HEY2: variants seen among roughly 807,000 people sequenced by gnomAD.
HEY2 encodes the protein hes related family bHLH transcription factor with YRPW motif 2.
A neutral mutation model predicts 18.1 loss-of-function variants in HEY2; 10 were observed. The observed-to-expected ratio is 0.55, with a 90% CI of 0.34 to 0.94. HEY2 has a LOEUF of 0.94. Ranked by LOEUF, HEY2 falls within the 40% of genes least tolerant of loss-of-function variation. HEY2 has a pLI of 0.02. For missense variants in HEY2, 455 were observed against 455.9 expected, an observed-to-expected ratio of 1.00 and a Z score of 0.02; for synonymous variants, 210 against 182.7, an observed-to-expected ratio of 1.15 and a Z score of -1.21.
intron 1 of HEY2, among the ~76,000 whole-genome samples, chr6:125,751,539 C>G (rs917054228): frequency 6.6e-6 from 1 of 152,184 alleles, no homozygotes; most frequent in Non-Finnish European, 1.5e-5. Context: ...AATTATTTCA[C>G]TGGGAGACTT....
chr6:125,758,324 C>T (rs920419049), intron 4 of HEY2, among the ~76,000 whole-genome samples: 1 of 152,094 alleles, frequency 6.6e-6, no homozygotes, highest in Admixed American at 6.5e-5. Flanking sequence ...AATTAATATA[C>T]ATTTTTTTTC....
chr6:125,756,483 C>T (rs186978394), intron 4 of HEY2, among the ~76,000 whole-genome samples: 143 of 152,242 alleles, frequency 9.4e-4, no homozygotes, highest in African/African-American at 3.3e-3. Context: ...AGGAGAATTG[C>T]TTGAACCCGG....
At position 125,752,042 on chromosome 6, in the gene HEY2, C is replaced by T. The variant is rs1773553441; in HGVS notation, c.198C>T (p.Asn66=). ...IEKRRRDRIN[N]SLSELRRLVP... ...AAAGGCGTCGGGATCGGATAAATAA[C>T]AGTTTATCTGAGTTGAGAAGACTTG... The change falls in exon 3 of 5, where the codon AAC becomes AAT. Residue 66 remains asparagine, a synonymous_variant. Transcript: ENST00000368364. 1.9e-6 allele frequency: 3 copies of T among 1,613,774 alleles called. No homozygotes were observed. The highest frequency in any genetic ancestry group is 4.5e-5 in the East Asian group (2 of 44,876).
chr6:125,759,310 C>T lies in HEY2; in HGVS notation c.522C>T (p.Ala174=), dbSNP rs1562712118. ...REAAAMTSSM[A]HHHHPLHPHH... Reference sequence around the variant, plus strand: ...CGGCGGCCATGACATCCTCCATGGCCCACCACCATCATCCGCTCCACCCGC... The same window carrying T: ...CGGCGGCCATGACATCCTCCATGGCTCACCACCATCATCCGCTCCACCCGC... The change falls in exon 5 of 5, where the codon GCC becomes GCT. Residue 174 remains alanine (A), a synonymous_variant. Transcript: ENST00000368364. The T allele has an allele frequency of 1.2e-6, 2 of 1,605,762 alleles. No homozygotes were observed. Among genetic ancestry groups the T allele is most frequent in the Admixed American group, 3.3e-5 (2 of 59,952 alleles).
At chr6:125,751,560 A>G (rs535983395) in intron 1 of HEY2, among the ~76,000 whole-genome samples, 1 of 152,354 alleles carries the variant, frequency 6.6e-6, no homozygotes, top group South Asian at 2.1e-4. Context: ...TCAAGTAAAA[A>G]TTGTGGGACA....
chr6:125,759,550 C>CACCTCTCTCT lies in HEY2; in HGVS notation c.763_772dup (p.Leu258TyrfsTer71), dbSNP rs1562713026. 1.2e-6 allele frequency: 2 copies of CACCTCTCTCT among 1,611,034 alleles called. No homozygotes were observed. Among genetic ancestry groups the CACCTCTCTCT allele is most frequent in the Non-Finnish European group, 1.7e-6 (2 of 1,179,918 alleles). The stretch of plus-strand genomic sequence containing the variant: ...TCGCCCCCTGCGTGCCACCTCTCTC[C>CACCTCTCTCT]ACCTCTCTCTTGTCCCTCTCTGCCA... On this transcript the variant is annotated frameshift_variant, in exon 5 of 5. Transcript: ENST00000368364. LOFTEE classifies it low-confidence loss of function (END_TRUNC).
intron 4 of HEY2, 117 bp downstream of exon 4, chr6:125,754,663 TAGG>T (rs1338862502): frequency 2.0e-6 from 1 of 490,332 alleles, no homozygotes; most frequent in African/African-American, 2.0e-5. Flanking sequence ...CAAGCTGAGA[TAGG>T]AGGCCCCAGA....
rs1302318920 is a variant in HEY2, at chr6:125,759,429, C to T, written c.641C>T (p.Thr214Ile). The change falls in exon 5 of 5, where the codon ACA becomes ATA. Residue 214 changes from threonine (T) to isoleucine (I), a missense_variant. Physicochemically the swap from Thr to Ile is moderately conservative, Grantham distance 89. Transcript: ENST00000368364. ...GAGTCAACCCCTTGTCGCCTCTCCACAACTTCAGAAGTGCCTCCTGCCCAC... is the reference window on the plus strand; with the variant it reads ...GAGTCAACCCCTTGTCGCCTCTCCATAACTTCAGAAGTGCCTCCTGCCCAC... ...ASESTPCRLS[T>I]TSEVPPAHGS... The T allele has an allele frequency of 1.2e-6, 2 of 1,611,834 alleles. No individual in the cohort carries two copies. The highest frequency in any genetic ancestry group is 1.1e-5 in the South Asian group (1 of 91,062).
chr6:125,754,642 C>T, intron 4 of HEY2, 96 bp downstream of exon 4: 1 of 600,866 alleles, frequency 1.7e-6, no homozygotes, highest in Non-Finnish European at 2.8e-6. Context: ...CATAGCTGAA[C>T]AGTTCTTTAA....
intron 3 of HEY2, 107 bp downstream of exon 3, chr6:125,752,197 G>T: frequency 1.5e-6 from 1 of 667,768 alleles, no homozygotes; most frequent in Non-Finnish European, 2.6e-6. Flanking sequence ...TCTTGTTAAA[G>T]CTCATTAAAA....
At chr6:125,750,063 TGGAGTA>T (rs1465398074) in intron 1 of HEY2, among the ~76,000 whole-genome samples, 1 of 151,706 alleles carries the variant, frequency 6.6e-6, no homozygotes, top group Non-Finnish European at 1.5e-5. Context: ...ACCGTAGGGG[TGGAGTA>T]GCCAGGATGG....
At position 125,761,198 on chromosome 6, in the gene HEY2, G is replaced by A. The variant is rs924812251; in HGVS notation, c.*1396G>A. On this transcript the variant is annotated 3_prime_UTR_variant, in exon 5 of 5. Transcript: ENST00000368364. The stretch of plus-strand genomic sequence containing the variant: ...GAAATTACTGTACCTAGTCTTTTTT[G>A]CATTACTTTGTAACCTTTTTCTATG... 1 of 152,042 alleles carries A rather than the reference G, an allele frequency of 6.6e-6. No individual in the cohort carries two copies. The highest frequency in any genetic ancestry group is 1.5e-5 in the Non-Finnish European group (1 of 67,872). 9.4% of individuals were successfully genotyped at this position (152,042 alleles called of 1,614,324 possible).
chr6:125,760,813 T>C lies in HEY2; in HGVS notation c.*1011T>C, dbSNP rs1445524147. 1.3e-5 allele frequency: 2 copies of C among 152,658 alleles called. No homozygotes were observed. Among genetic ancestry groups the C allele is most frequent in the African/African-American group, 4.8e-5 (2 of 41,468 alleles). The allele number at this position is 152,658 out of a possible 1,614,324, so 9.5% of individuals were successfully genotyped here. Reference sequence around the variant, plus strand: ...GGAGAAGTTACATTTCTGGAGGTGATGAAGCAAGGAGGGAGCACTAGGAAG... The same window carrying C: ...GGAGAAGTTACATTTCTGGAGGTGACGAAGCAAGGAGGGAGCACTAGGAAG... On this transcript the variant is annotated 3_prime_UTR_variant, in exon 5 of 5. Transcript: ENST00000368364.
rs995456849 is a variant in HEY2, at chr6:125,759,535, C to T, written c.747C>T (p.Cys249=). The T allele has an allele frequency of 6.2e-6, 10 of 1,611,038 alleles. No homozygotes were observed. The Admixed American group carries it at 1.5e-4, about 24-fold the overall frequency. Residue 249 remains cysteine, a synonymous_variant, in exon 5 of 5, where the codon TGC becomes TGT. Transcript: ENST00000368364. ...RMPSTGSVAP[C]VPPLSTSLLS... ...CATCCACGGGCAGCGTCGCCCCCTG[C>T]GTGCCACCTCTCTCCACCTCTCTCT...
intron 4 of HEY2, among the ~76,000 whole-genome samples, chr6:125,757,610 G>A (rs1773689915): frequency 6.6e-6 from 1 of 152,176 alleles, no homozygotes; most frequent in Non-Finnish European, 1.5e-5. Context: ...TGAATAAACA[G>A]GTAATGCTTT....
At chr6:125,756,515 C>T (rs190754094) in intron 4 of HEY2, among the ~76,000 whole-genome samples, 5 of 151,884 alleles carry the variant, frequency 3.3e-5, no homozygotes, top group South Asian at 2.1e-4. Context: ...TGTGGTGAGC[C>T]GAGATCGCGC....
chr6:125,749,739 C>G lies in HEY2; in HGVS notation c.-38C>G. 6.6e-7 allele frequency: 1 copy of G among 1,521,194 alleles called. No homozygotes were observed. Among genetic ancestry groups the G allele is most frequent in the Non-Finnish European group, 8.9e-7 (1 of 1,125,160 alleles). The allele number at this position is 1,521,194 out of a possible 1,614,324, so 94.2% of individuals were successfully genotyped here. A position where few individuals can be genotyped will look rare whatever the true frequency, so the allele number is the denominator to read the frequency against. On this transcript the variant is annotated 5_prime_UTR_variant, in exon 1 of 5. Coordinates refer to ENST00000368364, the MANE Select transcript of HEY2 (RefSeq NM_012259.3). ...TGCTGCGCCCCGCTCGGCGTCCGAG[C>G]TTCCGGCCGGGCTGTGCCCCGCGCG... is the stretch of plus-strand genomic sequence containing the variant.
chr6:125,759,352 C>T lies in HEY2; in HGVS notation c.564C>T (p.Ala188=). 1 of 1,604,880 alleles carries T rather than the reference C, an allele frequency of 6.2e-7. No homozygotes were observed. The highest frequency in any genetic ancestry group is 1.1e-5 in the South Asian group (1 of 90,594). Residue 188 remains alanine, a synonymous_variant, in exon 5 of 5, where the codon GCC becomes GCT. Coordinates refer to ENST00000368364, the MANE Select transcript of HEY2 (RefSeq NM_012259.3). ...HPLHPHHWAA[A]FHHLPAALLQ... is the part of the protein sequence containing the mutation. Reference sequence around the variant, plus strand: ...TCCACCCGCATCACTGGGCCGCCGCCTTCCACCACCTGCCCGCAGCCCTGC... The same window carrying T: ...TCCACCCGCATCACTGGGCCGCCGCTTTCCACCACCTGCCCGCAGCCCTGC...
chr6:125,755,651 G>A (rs190385446), intron 4 of HEY2, among the ~76,000 whole-genome samples: 30 of 152,176 alleles, frequency 2.0e-4, no homozygotes, highest in Non-Finnish European at 3.5e-4. Flanking sequence ...TTTTTCCTGC[G>A]TCTAGTAGGG....
Sources: allele counts gnomAD v4.1 joint callset (sites outside exome capture counted in the v4.1 genomes callset), GRCh38; gene constraint gnomAD v4.1.1; transcripts MANE v1.5; gene names NCBI Gene and HGNC (gene_info 2026-07-23, HGNC 2026-07-21).